The following CFAP299 variants were observed in gnomAD, a reference collection of about 807,000 sequenced individuals.
The protein encoded by CFAP299 is cilia- and flagella-associated protein 299.
Under a neutral mutation model 27.0 loss-of-function variants are expected in CFAP299, and 21 were observed. The ratio of observed to expected loss-of-function variants is 0.78; its 90% CI spans 0.55 to 1.12. The LOEUF (loss-of-function observed/expected upper bound fraction) is 1.12. Ranked by LOEUF, CFAP299 falls within the 50% of genes most tolerant of loss-of-function variation. The probability of loss-of-function intolerance (pLI) is 0.00; values close to 1 mark genes in which losing one functional copy is unlikely to be tolerated. For missense variants in CFAP299, 310 were observed against 276.6 expected, an observed-to-expected ratio of 1.12 and a Z score of -0.86; for synonymous variants, 104 against 98.1, an observed-to-expected ratio of 1.06 and a Z score of -0.36.
intron 2 of CFAP299, among the ~76,000 whole-genome samples, chr4:80,441,049 G>A (rs1378603021): frequency 1.3e-5 from 2 of 152,142 alleles, no homozygotes; most frequent in East Asian, 1.9e-4. Flanking sequence ...ATGAAATATG[G>A]GACTGTGTGA....
At chr4:80,390,930 T>C (rs1275262883) in intron 2 of CFAP299, among the ~76,000 whole-genome samples, 2 of 39,508 alleles carry the variant, frequency 5.1e-5, no homozygotes, top group African/African-American at 9.5e-5. Context: ...CATATGTATA[T>C]ATGTATATAT....
At chr4:80,423,656 G>T (rs1012829929) in intron 2 of CFAP299, among the ~76,000 whole-genome samples, 1 of 152,184 alleles carries the variant, frequency 6.6e-6, no homozygotes, top group Non-Finnish European at 1.5e-5. Flanking sequence ...TCAGCTGGCG[G>T]CTGGGCCAGA....
intron 3 of CFAP299, among the ~76,000 whole-genome samples, chr4:80,820,561 G>T (rs1729648869): frequency 6.6e-6 from 1 of 152,020 alleles, no homozygotes; most frequent in Non-Finnish European, 1.5e-5. Context: ...GGACCCAAGG[G>T]TGGGGAGGGA....
intron 4 of CFAP299, among the ~76,000 whole-genome samples, chr4:80,875,320 A>G (rs897972846): frequency 2.0e-5 from 3 of 152,210 alleles, no homozygotes; most frequent in African/African-American, 7.2e-5. Flanking sequence ...AGAAACAAAA[A>G]ATTTCCCACA....
chr4:80,700,035 A>G (rs1178012496), intron 3 of CFAP299, among the ~76,000 whole-genome samples: 1 of 152,196 alleles, frequency 6.6e-6, no homozygotes, highest in Non-Finnish European at 1.5e-5. Flanking sequence ...TCTATTTGGT[A>G]GGTAAATTGT....
At chr4:80,638,326 A>C (rs1739558424) in intron 3 of CFAP299, among the ~76,000 whole-genome samples, 1 of 152,200 alleles carries the variant, frequency 6.6e-6, no homozygotes, top group African/African-American at 2.4e-5. Flanking sequence ...ATTTTCTTCA[A>C]CATTTGAAGA....
chr4:80,828,283 T>C (rs1330054343), intron 3 of CFAP299, among the ~76,000 whole-genome samples: 1 of 151,990 alleles, frequency 6.6e-6, no homozygotes, highest in Non-Finnish European at 1.5e-5. Context: ...ACTTTGTGAT[T>C]TCAAAACTTA....
intron 2 of CFAP299, among the ~76,000 whole-genome samples, chr4:80,533,075 C>G (rs1733555848): frequency 6.6e-6 from 1 of 152,098 alleles, no homozygotes; most frequent in Admixed American, 6.5e-5. Context: ...TATTGAATTC[C>G]TTCTAAGTAT....
At chr4:80,907,428 C>T (rs1560472001) in intron 4 of CFAP299, among the ~76,000 whole-genome samples, 1 of 152,182 alleles carries the variant, frequency 6.6e-6, no homozygotes, top group Non-Finnish European at 1.5e-5. Flanking sequence ...GCACCCCACT[C>T]CCCGTACCAA....
intron 2 of CFAP299, among the ~76,000 whole-genome samples, chr4:80,545,940 G>A (rs1032419233): frequency 3.3e-5 from 5 of 152,134 alleles, no homozygotes; most frequent in East Asian, 1.9e-4. Flanking sequence ...ATGAAAGATC[G>A]GTTCAGCATA....
Position 80,877,578 on chromosome 4 carries a change from G to T in CFAP299, c.476+7443G>T, listed in dbSNP as rs545555985. Among the ~76,000 whole-genome samples the T allele has an allele frequency of 2.6e-5, 4 of 152,224 alleles. No homozygotes were observed. The East Asian group carries it at 7.7e-4, about 29-fold the overall frequency. On this transcript the variant is annotated intron_variant, in intron 4 of 5. Coordinates refer to ENST00000358105, the MANE Select transcript of CFAP299 (RefSeq NM_152770.3). ...GATAAACCTTAAGTGAATAATTAGA[G>T]ATCTCACAAAACCTCTAGTTTATTG...
At chr4:80,822,958 C>G (rs1729785353) in intron 3 of CFAP299, among the ~76,000 whole-genome samples, 1 of 152,006 alleles carries the variant, frequency 6.6e-6, no homozygotes, top group Non-Finnish European at 1.5e-5. Context: ...TTTTTTAAAA[C>G]CACTTACGTG....
At chr4:80,572,527 T>TTTTTTTTTTTTTTA (rs1735639230) in intron 2 of CFAP299, among the ~76,000 whole-genome samples, 1 of 132,238 alleles carries the variant, frequency 7.6e-6, no homozygotes, top group Non-Finnish European at 1.6e-5. Context: ...TTTTTTTTTT[T>TTTTTTTTTTTTTTA]TTTTTTTTGA....
chr4:80,562,330 G>A lies in CFAP299; in HGVS notation c.243-20763G>A, dbSNP rs184211367. Among the ~76,000 whole-genome samples, 507 of 152,154 alleles carry A rather than the reference G, an allele frequency of 3.3e-3. 4 individuals are homozygous for A. The highest frequency in any genetic ancestry group is 0.012 in the African/African-American group (484 of 41,526). On this transcript the variant is annotated intron_variant, in intron 2 of 5. Coordinates refer to ENST00000358105, the MANE Select transcript of CFAP299 (RefSeq NM_152770.3). ...AATAACATTGAGGCTGGGCACCATG[G>A]CTCAAGCTTGTAATCCCAGCACTTT...
intron 2 of CFAP299, among the ~76,000 whole-genome samples, chr4:80,384,519 A>G (rs2110023520): frequency 6.6e-6 from 1 of 152,342 alleles, no homozygotes; most frequent in South Asian, 2.1e-4. Context: ...ATTGTTAACT[A>G]CTTGTGATCT....
At chr4:80,458,916 C>T (rs1216207538) in intron 2 of CFAP299, among the ~76,000 whole-genome samples, 1 of 152,114 alleles carries the variant, frequency 6.6e-6, no homozygotes, top group East Asian at 1.9e-4. Context: ...AACCAGGCAG[C>T]AAGCCTGGTT....
chr4:80,597,336 T>G (rs1414173435), intron 3 of CFAP299, among the ~76,000 whole-genome samples: 1 of 152,182 alleles, frequency 6.6e-6, no homozygotes, highest in Admixed American at 6.6e-5. Context: ...GTCATCCATG[T>G]GTTTATTGGT....
At chr4:80,506,170 A>G (rs931976616) in intron 2 of CFAP299, among the ~76,000 whole-genome samples, 1 of 152,062 alleles carries the variant, frequency 6.6e-6, no homozygotes, top group Admixed American at 6.6e-5. Flanking sequence ...AATGTAAAAC[A>G]TGGTCACTCA....
intron 3 of CFAP299, among the ~76,000 whole-genome samples, chr4:80,599,551 A>T (rs773991649): frequency 2.0e-5 from 3 of 152,132 alleles, no homozygotes; most frequent in Non-Finnish European, 4.4e-5. Flanking sequence ...GTTTTTAAAA[A>T]TCTTCTGTCC....
Sources: allele counts gnomAD v4.1 joint callset (sites outside exome capture counted in the v4.1 genomes callset), GRCh38; gene constraint gnomAD v4.1.1; transcripts MANE v1.5; gene names NCBI Gene and HGNC (gene_info 2026-07-23, HGNC 2026-07-21).